GPATCH2: variants seen among roughly 807,000 people sequenced by gnomAD.
GPATCH2 encodes the protein G-patch domain containing 2, also known as G patch domain-containing protein 2.
A neutral mutation model predicts 58.0 loss-of-function variants in GPATCH2; 51 were observed. The observed-to-expected ratio is 0.88, with a 90% CI of 0.70 to 1.11. GPATCH2 has a LOEUF of 1.11. GPATCH2 is among the 50% of genes most tolerant of loss of function. The pLI, the probability that GPATCH2 is intolerant of heterozygous loss-of-function variation, is 0.00. For missense variants in GPATCH2, 625 were observed against 652.2 expected (o/e 0.96, Z 0.45); for synonymous variants, 222 against 218.5 (o/e 1.02, Z -0.14).
intron 5 of GPATCH2, among the ~76,000 whole-genome samples, chr1:217,585,541 A>G (rs368326976): frequency 6.6e-6 from 1 of 152,092 alleles, no homozygotes; most frequent in East Asian, 1.9e-4. Flanking sequence ...AATCGCTTGA[A>G]CCTGGGAGGC....
At chr1:217,459,853 C>G (rs1415269157) in intron 8 of GPATCH2, among the ~76,000 whole-genome samples, 2 of 152,004 alleles carry the variant, frequency 1.3e-5, no homozygotes, top group African/African-American at 4.8e-5. Flanking sequence ...TTGAATTGAC[C>G]TTTTACTGTA....
At chr1:217,462,411 G>T (rs1291418868) in intron 8 of GPATCH2, among the ~76,000 whole-genome samples, 2 of 152,008 alleles carry the variant, frequency 1.3e-5, no homozygotes, top group Non-Finnish European at 2.9e-5. Flanking sequence ...CTGTTTAAGT[G>T]ACTATTTTAG....
Position 217,620,305 on chromosome 1 carries a change from G to C in GPATCH2, c.251C>G (p.Thr84Ser), listed in dbSNP as rs750370424. The change falls in exon 2 of 10, where the codon ACT (threonine) becomes AGT (serine). Residue 84 changes from threonine (T) to serine (S), a missense_variant. Transcript: ENST00000366935. The stretch of plus-strand genomic sequence containing the variant: ...AGAGCCTTCACTTAAGCAGTGACCA[G>C]TCTCCCACGGGTGATGCACATTATA... ...RSYNVHHPWE[T>S]GHCLSEGSDS... 12 of 1,613,960 alleles carry C rather than the reference G, an allele frequency of 7.4e-6. No individual in the cohort carries two copies. The highest frequency in any genetic ancestry group is 6.8e-6 in the Non-Finnish European group (8 of 1,180,020).
intron 5 of GPATCH2, among the ~76,000 whole-genome samples, chr1:217,524,416 A>G (rs1245544183): frequency 1.5e-5 from 2 of 136,040 alleles, no homozygotes; most frequent in African/African-American, 5.6e-5. Context: ...ATCCCAGACG[A>G]TGGGCGGCCA....
intron 5 of GPATCH2, among the ~76,000 whole-genome samples, chr1:217,584,751 A>G (rs1571964232): frequency 6.6e-6 from 1 of 152,112 alleles, no homozygotes; most frequent in African/African-American, 2.4e-5. Context: ...CAATACTAGA[A>G]GGAAAAAAAA....
chr1:217,598,529 T>G (rs1004638957), intron 5 of GPATCH2, among the ~76,000 whole-genome samples: 2 of 152,052 alleles, frequency 1.3e-5, no homozygotes, highest in Non-Finnish European at 2.9e-5. Flanking sequence ...CTTGGTTCAC[T>G]GCAACCTCTG....
At chr1:217,454,536 T>C (rs1210255700) in intron 8 of GPATCH2, among the ~76,000 whole-genome samples, 3 of 130,654 alleles carry the variant, frequency 2.3e-5, no homozygotes, top group African/African-American at 2.9e-5. Flanking sequence ...TTGCAGTGAG[T>C]CGAGATCGCG....
At chr1:217,470,201 G>C (rs1490553732) in intron 8 of GPATCH2, among the ~76,000 whole-genome samples, 1 of 152,106 alleles carries the variant, frequency 6.6e-6, no homozygotes, top group Non-Finnish European at 1.5e-5. Context: ...TTAAGGAAAT[G>C]GACTTTAGAC....
At chr1:217,593,761 T>C (rs1395269601) in intron 5 of GPATCH2, among the ~76,000 whole-genome samples, 2 of 152,050 alleles carry the variant, frequency 1.3e-5, no homozygotes, top group East Asian at 3.8e-4. Context: ...CTGTAATATA[T>C]GGTATTGTAA....
intron 5 of GPATCH2, among the ~76,000 whole-genome samples, chr1:217,533,661 A>C (rs1664316224): frequency 6.6e-6 from 1 of 152,210 alleles, no homozygotes; most frequent in African/African-American, 2.4e-5. Context: ...ATAAAGCAAT[A>C]ATCACTTGTT....
At chr1:217,502,031 GC>G (rs1454729870) in intron 6 of GPATCH2, among the ~76,000 whole-genome samples, 1 of 151,846 alleles carries the variant, frequency 6.6e-6, no homozygotes, top group African/African-American at 2.4e-5. Context: ...TTGTGTGTGT[GC>G]GGGGGGAGCT....
At chr1:217,541,872 C>G (rs2102646094) in intron 5 of GPATCH2, among the ~76,000 whole-genome samples, 1 of 152,228 alleles carries the variant, frequency 6.6e-6, no homozygotes, top group South Asian at 2.1e-4. Context: ...TGAGAACACC[C>G]AAATTTAGTT....
At chr1:217,437,357 G>A (rs955503654) in intron 9 of GPATCH2, among the ~76,000 whole-genome samples, 1 of 152,134 alleles carries the variant, frequency 6.6e-6, no homozygotes, top group Non-Finnish European at 1.5e-5. Flanking sequence ...ATACCCCAGT[G>A]GCACCTGGAA....
At position 217,620,273 on chromosome 1, in the gene GPATCH2, T is replaced by C; in HGVS notation, c.283A>G (p.Ser95Gly). 6.2e-7 allele frequency: 1 copy of C among 1,614,002 alleles called. No individual in the cohort carries two copies. The change falls in exon 2 of 10, where the codon AGT becomes GGT. Residue 95 changes from serine (S) to glycine (G), a missense_variant. Physicochemically the swap from Ser to Gly is moderately conservative, Grantham distance 56. Coordinates refer to ENST00000366935, the MANE Select transcript of GPATCH2 (RefSeq NM_018040.5). Reference sequence around the variant, plus strand: ...TAGTCCTTGCTTGGTTCTTCTAAACTAGAATCAGAGCCTTCACTTAAGCAG... The same window carrying C: ...TAGTCCTTGCTTGGTTCTTCTAAACCAGAATCAGAGCCTTCACTTAAGCAG... The part of the protein sequence containing the change: ...GHCLSEGSDS[S>G]LEEPSKDYRE...
At chr1:217,610,000 G>A (rs978667856) in intron 5 of GPATCH2, 2 of 1,399,488 alleles carry the variant, frequency 1.4e-6, no homozygotes, top group Non-Finnish European at 1.9e-6. Context: ...CTAAAAGGAA[G>A]AATACCAGTC....
At chr1:217,448,041 C>T (rs543185376) in intron 9 of GPATCH2, among the ~76,000 whole-genome samples, 6 of 149,342 alleles carry the variant, frequency 4.0e-5, no homozygotes, top group South Asian at 2.1e-4. Context: ...GAGGTTGCAG[C>T]GAGCCAAGAT....
At chr1:217,576,534 C>A (rs1164258806) in intron 5 of GPATCH2, among the ~76,000 whole-genome samples, 1 of 152,186 alleles carries the variant, frequency 6.6e-6, no homozygotes, top group Admixed American at 6.5e-5. Context: ...CCAGCCTCAG[C>A]CACATAATTC....
In GPATCH2 at chr1:217,630,952, C is replaced by T; in HGVS notation, c.20G>A (p.Arg7His). ...GGCTGCTGGAGCTCCGATCGGTTGG[C>T]GCCCGGCGGCCCCGAACATTAACGA... MFGAAG[R>H]QPIGAPAAGN... The change falls in exon 1 of 10, where the codon CGC becomes CAC. Residue 7 changes from arginine to histidine, a missense_variant. Physicochemically the swap from Arg to His is conservative, Grantham distance 29. Coordinates refer to ENST00000366935, the MANE Select transcript of GPATCH2 (RefSeq NM_018040.5). 1.9e-6 allele frequency: 3 copies of T among 1,588,100 alleles called. No homozygotes were observed. The highest frequency in any genetic ancestry group is 2.3e-5 in the East Asian group (1 of 44,136).
chr1:217,498,607 A>C, intron 6 of GPATCH2: 1 of 594,028 alleles, frequency 1.7e-6, no homozygotes, highest in South Asian at 2.0e-5. Flanking sequence ...CAATTTAATA[A>C]GCAAACTGAG....
Sources: gnomAD v4.1 joint callset for allele counts (sites outside exome capture counted in the v4.1 genomes callset) on GRCh38, gnomAD v4.1.1 for gene constraint, MANE v1.5 for transcripts, NCBI Gene and HGNC (gene_info 2026-07-23, HGNC 2026-07-21) for gene names.